Variants in MYT1 observed in about 807,000 individuals in gnomAD.
MYT1 encodes myelin transcription factor I.
Under a neutral mutation model 123.0 loss-of-function variants are expected in MYT1, and 23 were observed. The observed-to-expected ratio is 0.19, with a 90% CI of 0.13 to 0.26. MYT1 has a LOEUF of 0.26. MYT1 is among the 10% of genes least tolerant of loss of function. The pLI is 1.00. For missense variants in MYT1, 1,125 were observed against 1,472.5 expected, an observed-to-expected ratio of 0.76 and a Z score of 3.86; for synonymous variants, 518 against 575.3, an observed-to-expected ratio of 0.90 and a Z score of 1.43.
intron 16 of MYT1, among the ~76,000 whole-genome samples, chr20:64,224,885 A>G (rs2145727404): frequency 6.6e-6 from 1 of 152,312 alleles, no homozygotes; most frequent in South Asian, 2.1e-4. Context: ...TGTGAAGTGG[A>G]TGCTTGGGCG....
At chr20:64,210,165 A>T (rs138526954) in intron 7 of MYT1, among the ~76,000 whole-genome samples, 2 of 152,326 alleles carry the variant, frequency 1.3e-5, no homozygotes, top group East Asian at 3.9e-4. Context: ...TGTGGGACAG[A>T]CATAGGAGGA....
rs1298666063 is a variant in MYT1, at chr20:64,232,598, C to G, written c.2897+213C>G. 6.6e-6 allele frequency among the ~76,000 whole-genome samples: 1 copy of G among 152,110 alleles called. No individual in the cohort carries two copies. Among genetic ancestry groups the G allele is most frequent in the Non-Finnish European group, 1.5e-5 (1 of 68,000 alleles). ...TGTGGGTTATGTCTTCGCCATGCGT[C>G]TCCCCTCATACGCCACCCTTCCACA... On this transcript the variant is annotated intron_variant, in intron 19 of 22. Transcript: ENST00000328439. This position sits in a 1 kb window ranked among gnomAD's most constrained non-coding sequence, Gnocchi z 6.9.
intron 4 of MYT1, among the ~76,000 whole-genome samples, chr20:64,204,430 C>T (rs1041046495): frequency 3.6e-4 from 55 of 152,224 alleles, no homozygotes; most frequent in Admixed American, 2.3e-3. Flanking sequence ...TCCTGGTTCA[C>T]GGGCCCTCCC....
chr20:64,170,898 G>GAGAGAC (rs1307068548), intron 1 of MYT1, among the ~76,000 whole-genome samples: 9 of 98,212 alleles, frequency 9.2e-5, no homozygotes, highest in Non-Finnish European at 1.8e-4. Flanking sequence ...GAGAGAGAGA[G>GAGAGAC]AGAGAGAGAG....
chr20:64,211,421 G>C, intron 8 of MYT1, 81 bp downstream of exon 8: 1 of 1,452,456 alleles, frequency 6.9e-7, no homozygotes, highest in Non-Finnish European at 9.4e-7. Context: ...CTATGGGGAG[G>C]CGTGGCCTGC....
chr20:64,172,704 C>T (rs1173273310), intron 1 of MYT1, among the ~76,000 whole-genome samples: 11 of 151,802 alleles, frequency 7.2e-5, no homozygotes, highest in Non-Finnish European at 1.5e-5. Flanking sequence ...GGGGAAGACG[C>T]CCCCAAACCC....
intron 1 of MYT1, among the ~76,000 whole-genome samples, chr20:64,181,909 G>C (rs1051617213): frequency 2.0e-5 from 3 of 152,208 alleles, no homozygotes; most frequent in African/African-American, 7.2e-5. Flanking sequence ...CTATGTCTGG[G>C]GGTGTAGCCT....
At chr20:64,198,292 A>AG (rs1983190139) in intron 2 of MYT1, among the ~76,000 whole-genome samples, 2 of 142,734 alleles carry the variant, frequency 1.4e-5, no homozygotes, top group Non-Finnish European at 3.0e-5. Flanking sequence ...GTCTCAAAAA[A>AG]AAAAAAAAAA....
intron 1 of MYT1, among the ~76,000 whole-genome samples, chr20:64,172,553 T>C (rs188179403): frequency 0.04 from 6,064 of 152,180 alleles, 198 homozygotes; most frequent in South Asian, 0.18. Context: ...GCCATTTCCT[T>C]TCTTTTTGGG....
intron 1 of MYT1, among the ~76,000 whole-genome samples, chr20:64,187,440 C>T (rs545729830): frequency 4.4e-4 from 64 of 146,810 alleles, no homozygotes; most frequent in Middle Eastern, 3.9e-3. Context: ...TCCTGTGGCA[C>T]GTGGCCCCGG....
chr20:64,205,862 G>A, intron 6 of MYT1, 62 bp downstream of exon 6: 1 of 1,581,706 alleles, frequency 6.3e-7, no homozygotes, highest in Non-Finnish European at 8.6e-7. Context: ...GAGAATTGCA[G>A]CCTGTGAGCG....
At position 64,189,630 on chromosome 20, in the gene MYT1, A is replaced by C. The variant is rs543865212; in HGVS notation, c.-98-433A>C. Among the ~76,000 whole-genome samples the C allele has an allele frequency of 6.6e-6, 1 of 152,218 alleles. No homozygotes were observed. Among genetic ancestry groups the C allele is most frequent in the Non-Finnish European group, 1.5e-5 (1 of 68,044 alleles). Reference sequence around the variant, plus strand: ...CAAAACAATCTTCTTTTTCAAATGCATATGTACTGTGCATTCTTTTGAGGG... The same window carrying C: ...CAAAACAATCTTCTTTTTCAAATGCCTATGTACTGTGCATTCTTTTGAGGG... On this transcript the variant is annotated intron_variant, in intron 1 of 22. Coordinates refer to ENST00000328439, the MANE Select transcript of MYT1 (RefSeq NM_004535.3). The surrounding 1 kb of genome is among the most constrained non-coding windows in gnomAD (Gnocchi z 5.5).
At chr20:64,224,942 G>A (rs1984125129) in intron 16 of MYT1, among the ~76,000 whole-genome samples, 1 of 152,176 alleles carries the variant, frequency 6.6e-6, no homozygotes, top group African/African-American at 2.4e-5. Context: ...ATGGCCGTCT[G>A]GGAGAGTTAG....
rs1301278209 is a variant in MYT1, at chr20:64,231,606, A to G, written c.2676-558A>G. Among the ~76,000 whole-genome samples the G allele has an allele frequency of 6.6e-6, 1 of 152,232 alleles. No homozygotes were observed. Among genetic ancestry groups the G allele is most frequent in the Non-Finnish European group, 1.5e-5 (1 of 68,032 alleles). ...TAGATCTCAGTGGTGGCAAAGCTGC[A>G]ACATCTATGGGCATTGCCCCCTGAT... On this transcript the variant is annotated intron_variant, in intron 18 of 22. Transcript: ENST00000328439. This position sits in a 1 kb window ranked among gnomAD's most constrained non-coding sequence, Gnocchi z 6.4.
At chr20:64,170,268 G>A (rs1056581209) in intron 1 of MYT1, among the ~76,000 whole-genome samples, 2 of 152,084 alleles carry the variant, frequency 1.3e-5, no homozygotes, top group African/African-American at 4.8e-5. Context: ...TCTCACATTT[G>A]AAATCCCGCT....
intron 1 of MYT1, among the ~76,000 whole-genome samples, chr20:64,179,637 G>C (rs1982580395): frequency 6.6e-6 from 1 of 152,028 alleles, no homozygotes; most frequent in Middle Eastern, 3.2e-3. Context: ...CAGTACAGAG[G>C]CTCCTGCAGC....
At position 64,166,469 on chromosome 20, in the gene MYT1, C is replaced by A. The variant is rs1013290997; in HGVS notation, c.-99+1730C>A. ...AGCCACAGAGAGTTGGACAAAGAGG[C>A]CTTTCTGCTCTGGAACAGCCTCGGC... is the stretch of plus-strand genomic sequence containing the variant. On this transcript the variant is annotated intron_variant, in intron 1 of 22. Transcript: ENST00000328439. The surrounding 1 kb of genome is among the most constrained non-coding windows in gnomAD (Gnocchi z 4.9). 2.0e-5 allele frequency among the ~76,000 whole-genome samples: 3 copies of A among 152,132 alleles called. No homozygotes were observed. The highest frequency in any genetic ancestry group is 4.4e-5 in the Non-Finnish European group (3 of 68,028).
rs2145720492 is a variant in MYT1, at chr20:64,213,459, C to A, written c.1518-75C>A. On this transcript the variant is annotated intron_variant, in intron 9 of 22. Transcript: ENST00000328439. This position sits in a 1 kb window ranked among gnomAD's most constrained non-coding sequence, Gnocchi z 5.6. ...TCTGAATGACCTTGCCGTGAGACAC[C>A]CACACACACAGACACCCAGGACAGG... 1.7e-6 allele frequency: 2 copies of A among 1,172,062 alleles called. No individual in the cohort carries two copies. The highest frequency in any genetic ancestry group is 1.8e-5 in the Admixed American group (1 of 54,276). The allele number at this position is 1,172,062 out of a possible 1,614,324, so 72.6% of individuals were successfully genotyped here.
intron 4 of MYT1, 53 bp downstream of exon 4, chr20:64,199,975 G>C (rs573819351): frequency 6.3e-7 from 1 of 1,599,716 alleles, no homozygotes; most frequent in East Asian, 2.2e-5. Flanking sequence ...CTGTGACCCT[G>C]GAGATATCCT....
Sources: gnomAD v4.1 joint callset for allele counts (sites outside exome capture counted in the v4.1 genomes callset) on GRCh38, gnomAD v4.1.1 for gene constraint, Gnocchi (gnomAD v3.1) non-coding constraint, MANE v1.5 for transcripts, NCBI Gene and HGNC (gene_info 2026-07-23, HGNC 2026-07-21) for gene names.